The following DSCAM variants were observed in gnomAD, a reference collection of about 807,000 sequenced individuals.
DSCAM encodes the protein cell adhesion molecule DSCAM.
A neutral mutation model predicts 217.7 loss-of-function variants in DSCAM; 47 were observed. The observed-to-expected ratio is 0.22, with a 90% CI of 0.17 to 0.28. The LOEUF (loss-of-function observed/expected upper bound fraction) is 0.28. Among genes scored for constraint, DSCAM ranks in the 10% least tolerant of loss-of-function variants. The probability of loss-of-function intolerance (pLI) is 1.00; values close to 1 mark genes in which losing one functional copy is unlikely to be tolerated. For synonymous variants in DSCAM, 1,056 were observed against 1,015.3 expected (o/e 1.04, Z -0.76); for missense variants, 2,080 against 2,618.3 (o/e 0.79, Z 4.49).
chr21:40,119,198 A>T (rs2090005465), intron 20 of DSCAM, among the ~76,000 whole-genome samples: 1 of 152,154 alleles, frequency 6.6e-6, no homozygotes, highest in South Asian at 2.1e-4. Flanking sequence ...GCATCTCTTG[A>T]TTGATGTGAT....
At chr21:40,631,874 G>T (rs2089695704) in intron 3 of DSCAM, among the ~76,000 whole-genome samples, 1 of 152,216 alleles carries the variant, frequency 6.6e-6, no homozygotes, top group East Asian at 1.9e-4. Context: ...AAGGGTGATG[G>T]CAACAGAGGC....
At chr21:40,170,273 A>G (rs2837477) in intron 15 of DSCAM, among the ~76,000 whole-genome samples, 29,221 of 152,106 alleles carry the variant, frequency 0.19, 2,973 homozygotes, top group South Asian at 0.26. Flanking sequence ...TGTAGTGTGC[A>G]TATATGTTTG....
At position 40,140,526 on chromosome 21, in the gene DSCAM, GAA is replaced by G. The variant is rs2090277045; in HGVS notation, c.3406+2030_3406+2031del. ...TTCTGAAATATTTCCAATAAGAACAGAAAAGACATCTTAGCATAACACTGCCT... is the reference window on the plus strand; with the variant it reads ...TTCTGAAATATTTCCAATAAGAACAGAAGACATCTTAGCATAACACTGCCT... On this transcript the variant is annotated intron_variant, in intron 18 of 32. Transcript: ENST00000400454. Among the ~76,000 whole-genome samples the G allele has an allele frequency of 2.6e-5, 4 of 152,208 alleles. No individual in the cohort carries two copies. In the South Asian group the frequency reaches 8.3e-4, roughly 32 times the overall value.
chr21:40,374,397 C>A (rs1424804874), intron 3 of DSCAM, among the ~76,000 whole-genome samples: 1 of 152,096 alleles, frequency 6.6e-6, no homozygotes, highest in Non-Finnish European at 1.5e-5. Flanking sequence ...TGAAAGGCAA[C>A]CGCATATATT....
chr21:40,698,260 C>A (rs1362345976), intron 2 of DSCAM, among the ~76,000 whole-genome samples: 1 of 152,154 alleles, frequency 6.6e-6, no homozygotes, highest in African/African-American at 2.4e-5. Context: ...CACTGGCAGC[C>A]AGCCTGCAGA....
chr21:40,124,489 A>G (rs2081270080), intron 19 of DSCAM, among the ~76,000 whole-genome samples, 161 bp from the exon 20 acceptor site: 1 of 151,952 alleles, frequency 6.6e-6, no homozygotes, highest in Non-Finnish European at 1.5e-5. Context: ...TGAAGTCCTA[A>G]CCCCCAGGAC....
At chr21:40,598,383 T>C (rs753212656) in intron 3 of DSCAM, among the ~76,000 whole-genome samples, 10 of 152,186 alleles carry the variant, frequency 6.6e-5, no homozygotes, top group Non-Finnish European at 1.3e-4. Flanking sequence ...TAAACATTCA[T>C]GTGCAGATTT....
intron 22 of DSCAM, among the ~76,000 whole-genome samples, 161 bp from the exon 23 acceptor site, chr21:40,085,926 A>G (rs1227353423): frequency 6.6e-6 from 1 of 152,236 alleles, no homozygotes; most frequent in African/African-American, 2.4e-5. Flanking sequence ...AATGAAAACA[A>G]TCAATAGCTG....
intron 1 of DSCAM, among the ~76,000 whole-genome samples, chr21:40,824,265 T>C (rs2091950980): frequency 6.6e-6 from 1 of 152,088 alleles, no homozygotes; most frequent in African/African-American, 2.4e-5. Context: ...CAATGTCTCT[T>C]ATGTGCGGCA....
intron 2 of DSCAM, among the ~76,000 whole-genome samples, chr21:40,694,886 A>C (rs1290062447): frequency 1.3e-5 from 2 of 152,184 alleles, no homozygotes; most frequent in African/African-American, 2.4e-5. Flanking sequence ...TAGGCAAACT[A>C]ATCAAACTCA....
chr21:40,181,554 CAAG>C (rs2090801589), intron 14 of DSCAM, among the ~76,000 whole-genome samples: 1 of 152,108 alleles, frequency 6.6e-6, no homozygotes, highest in Non-Finnish European at 1.5e-5. Flanking sequence ...TAGCTGGTAA[CAAG>C]AAGGGCTGGG....
intron 11 of DSCAM, among the ~76,000 whole-genome samples, chr21:40,263,076 A>G (rs2073475773): frequency 6.6e-6 from 1 of 152,214 alleles, no homozygotes; most frequent in African/African-American, 2.4e-5. Context: ...GCCATACAAA[A>G]TTCAAAATTC....
chr21:40,753,676 A>G (rs2091249417), intron 1 of DSCAM, among the ~76,000 whole-genome samples: 1 of 152,248 alleles, frequency 6.6e-6, no homozygotes, highest in Non-Finnish European at 1.5e-5. Flanking sequence ...AGATGAGTCC[A>G]GGCATCTTAA....
intron 1 of DSCAM, among the ~76,000 whole-genome samples, chr21:40,824,609 C>A (rs1569055264): frequency 1.3e-5 from 2 of 152,012 alleles, no homozygotes; most frequent in Admixed American, 6.6e-5. Flanking sequence ...GAGATTGGGT[C>A]TCACCACGTT....
At chr21:40,413,636 AG>A (rs1400769738) in intron 3 of DSCAM, among the ~76,000 whole-genome samples, 2 of 152,252 alleles carry the variant, frequency 1.3e-5, no homozygotes, top group African/African-American at 4.8e-5. Flanking sequence ...GAAATTCCAA[AG>A]ATACAGGATG....
In DSCAM at chr21:40,532,070, T is replaced by G. The variant is rs578003247; in HGVS notation, c.508+160740A>C. On this transcript the variant is annotated intron_variant, in intron 3 of 32. Transcript: ENST00000400454. ...TTCAAAAGACTCAAGAGTTCTTACT[T>G]TTTGCTTTGATACACTCTTCTTTTA... Among the ~76,000 whole-genome samples, 18 of 152,316 alleles carry G rather than the reference T, an allele frequency of 1.2e-4. 1 individual carries two copies. The South Asian group carries it at 1.5e-3, about 12-fold the overall frequency.
intron 3 of DSCAM, among the ~76,000 whole-genome samples, chr21:40,679,956 G>A (rs2090381774): frequency 6.6e-6 from 1 of 152,100 alleles, no homozygotes; most frequent in African/African-American, 2.4e-5. Context: ...AAACCACGGT[G>A]TCCTGACCTT....
chr21:40,795,009 C>G (rs2091679056), intron 1 of DSCAM, among the ~76,000 whole-genome samples: 2 of 150,834 alleles, frequency 1.3e-5, no homozygotes, highest in Non-Finnish European at 3.0e-5. Context: ...GATTGATAGG[C>G]CTTTAACATG....
intron 11 of DSCAM, among the ~76,000 whole-genome samples, chr21:40,262,359 A>C (rs1372801972): frequency 1.3e-5 from 2 of 150,486 alleles, no homozygotes; most frequent in Non-Finnish European, 2.9e-5. Context: ...AAGCCTCTGC[A>C]GAGAGTCCTC....
Sources: allele counts gnomAD v4.1 joint callset (sites outside exome capture counted in the v4.1 genomes callset), GRCh38; gene constraint gnomAD v4.1.1; transcripts MANE v1.5; gene names NCBI Gene and HGNC (gene_info 2026-07-23, HGNC 2026-07-21).